Variants in NTM observed in about 807,000 individuals in gnomAD.
The protein encoded by NTM is neurotrimin.
In NTM, 13 loss-of-function variants were observed where a neutral mutation model predicts 42.1. That is an observed-to-expected ratio of 0.31 (90% CI 0.20 to 0.49). The LOEUF is 0.49. NTM is among the 20% of genes least tolerant of loss of function. The probability of loss-of-function intolerance (pLI) is 0.99; values close to 1 mark genes in which losing one functional copy is unlikely to be tolerated. For missense variants in NTM, 373 were observed against 452.8 expected (o/e 0.82, Z 1.60); for synonymous variants, 187 against 179.2 (o/e 1.04, Z -0.35).
intron 2 of NTM, among the ~76,000 whole-genome samples, chr11:132,137,973 G>A (rs572194410): frequency 1.3e-5 from 2 of 152,242 alleles, no homozygotes; most frequent in African/African-American, 4.8e-5. Context: ...TATTCCATAA[G>A]CTCCCCGTTT....
In NTM at chr11:131,496,073, A is replaced by G. The variant is rs182060867; in HGVS notation, c.82+125185A>G. Among the ~76,000 whole-genome samples, 314 of 152,312 alleles carry G rather than the reference A, an allele frequency of 2.1e-3. 2 individuals carry two copies. The highest frequency in any genetic ancestry group is 7.2e-3 in the African/African-American group (301 of 41,566). On this transcript the variant is annotated intron_variant, in intron 1 of 8. Transcript: ENST00000683400. ...AGATGACTTCTGTGGAAGCCAGTGA[A>G]TGTCCCTTGATGAAGAGCTCAGAAG...
intron 1 of NTM, among the ~76,000 whole-genome samples, chr11:131,416,862 G>C (rs1178974997): frequency 1.3e-5 from 2 of 152,196 alleles, no homozygotes; most frequent in East Asian, 3.8e-4. Flanking sequence ...TGGAAAAAAA[G>C]ATAAAAATAA....
At chr11:132,150,077 C>A (rs1221984340) in intron 3 of NTM, among the ~76,000 whole-genome samples, 3 of 152,116 alleles carry the variant, frequency 2.0e-5, no homozygotes, top group African/African-American at 7.2e-5. Context: ...ACAGCACCAA[C>A]ATTTGCATCT....
chr11:131,389,024 A>AAAAGAAAAGAAAAGAAAAGAAAAG (rs1555097642), intron 1 of NTM, among the ~76,000 whole-genome samples: 16 of 89,912 alleles, frequency 1.8e-4, no homozygotes, highest in African/African-American at 6.9e-4. Flanking sequence ...AAAAAAAAAA[A>AAAAGAAAAGAAAAGAAAAGAAAAG]AAAAGAAAAG....
At chr11:131,709,105 A>G (rs140266492) in intron 1 of NTM, among the ~76,000 whole-genome samples, 1 of 152,186 alleles carries the variant, frequency 6.6e-6, no homozygotes. Flanking sequence ...GGTGTGTTCA[A>G]GAACAGGAAG....
chr11:131,938,121 G>T (rs1352845220), intron 2 of NTM, among the ~76,000 whole-genome samples: 1 of 152,222 alleles, frequency 6.6e-6, no homozygotes, highest in Non-Finnish European at 1.5e-5. Flanking sequence ...ACCCAGAAAA[G>T]GTCCTTGCCC....
At chr11:131,488,422 C>CT (rs372878073) in intron 1 of NTM, among the ~76,000 whole-genome samples, 19 of 152,016 alleles carry the variant, frequency 1.2e-4, no homozygotes, top group African/African-American at 3.1e-4. Flanking sequence ...CTAGCCTGAA[C>CT]TTTTTTTTAT....
At chr11:132,006,548 C>CATAA (rs1401610679) in intron 2 of NTM, among the ~76,000 whole-genome samples, 4 of 152,196 alleles carry the variant, frequency 2.6e-5, no homozygotes, top group Non-Finnish European at 4.4e-5. Flanking sequence ...CAGCAAAGCA[C>CATAA]ATAAAACCTC....
rs138401968 is a variant in NTM at position 132,293,166 on chromosome 11, C to T, written c.527-14523C>T. On this transcript the variant is annotated intron_variant, in intron 4 of 8. Coordinates refer to ENST00000683400, the MANE Select transcript of NTM (RefSeq NM_001352005.2). ...TTTATTGAATAGAAAAAAATAATAA[C>T]CAGGAAGTCAGTAGAGAACAGAAAT... Among the ~76,000 whole-genome samples the T allele has an allele frequency of 2.8e-3, 429 of 151,922 alleles. 6 individuals are homozygous for T. Among genetic ancestry groups the T allele is most frequent in the African/African-American group, 0.01 (415 of 41,404 alleles).
At chr11:131,840,498 C>T (rs1187412632) in intron 1 of NTM, among the ~76,000 whole-genome samples, 1 of 152,108 alleles carries the variant, frequency 6.6e-6, no homozygotes, top group African/African-American at 2.4e-5. Context: ...TCAGTGGCAA[C>T]CTTGAGTCCA....
At chr11:131,612,126 G>C (rs2061509987) in intron 1 of NTM, among the ~76,000 whole-genome samples, 1 of 152,234 alleles carries the variant, frequency 6.6e-6, no homozygotes, top group Admixed American at 6.5e-5. Flanking sequence ...GCTCCTTAGA[G>C]AAGCCCTCAG....
chr11:131,768,532 T>C (rs2085516668), intron 1 of NTM, among the ~76,000 whole-genome samples: 1 of 152,190 alleles, frequency 6.6e-6, no homozygotes, highest in South Asian at 2.1e-4. Context: ...ATGCTATCTA[T>C]AGGATCATTG....
At chr11:131,698,113 A>G (rs1429842283) in intron 1 of NTM, among the ~76,000 whole-genome samples, 1 of 152,114 alleles carries the variant, frequency 6.6e-6, no homozygotes, top group African/African-American at 2.4e-5. Context: ...TATTGCCCCC[A>G]TGTTAATATT....
chr11:131,946,694 A>G (rs2060382003), intron 2 of NTM, among the ~76,000 whole-genome samples: 3 of 152,220 alleles, frequency 2.0e-5, no homozygotes, highest in Admixed American at 2.0e-4. Flanking sequence ...TGTTCCATAT[A>G]TTGATCTGTG....
At chr11:131,728,870 C>G (rs955739851) in intron 1 of NTM, among the ~76,000 whole-genome samples, 46 of 152,262 alleles carry the variant, frequency 3.0e-4, no homozygotes, top group African/African-American at 1.1e-3. Context: ...AACCACCAGT[C>G]AACTCATTAG....
intron 1 of NTM, among the ~76,000 whole-genome samples, chr11:131,529,612 C>T (rs886887689): frequency 6.6e-6 from 1 of 152,138 alleles, no homozygotes; most frequent in African/African-American, 2.4e-5. Context: ...CACGCACCAA[C>T]TGAAATCAAG....
chr11:132,040,136 A>G lies in NTM; in HGVS notation c.168-106146A>G, dbSNP rs183719688. 1.3e-4 allele frequency among the ~76,000 whole-genome samples: 20 copies of G among 152,046 alleles called. No homozygotes were observed. In the East Asian group the frequency reaches 3.7e-3, roughly 28 times the overall value. On this transcript the variant is annotated intron_variant, in intron 2 of 8. Coordinates refer to ENST00000683400, the MANE Select transcript of NTM (RefSeq NM_001352005.2). ...TTAGAGACGAGATGGGGGTTTCACC[A>G]TGTTGCCCCGGCTGGTCTCGAACTC...
At chr11:131,552,663 A>C (rs945982408) in intron 1 of NTM, among the ~76,000 whole-genome samples, 2 of 151,908 alleles carry the variant, frequency 1.3e-5, no homozygotes, top group Non-Finnish European at 2.9e-5. Flanking sequence ...AAAAAAATAC[A>C]AAAAATTAGC....
chr11:131,620,343 C>G, intron 1 of NTM, among the ~76,000 whole-genome samples: 1 of 152,190 alleles, frequency 6.6e-6, no homozygotes, highest in Non-Finnish European at 1.5e-5. Context: ...CTACCTCTTC[C>G]CATCTCCCTT....
Sources: gnomAD v4.1 joint callset for allele counts (sites outside exome capture counted in the v4.1 genomes callset) on GRCh38, gnomAD v4.1.1 for gene constraint, MANE v1.5 for transcripts, NCBI Gene and HGNC (gene_info 2026-07-23, HGNC 2026-07-21) for gene names.